CD28: variants seen among roughly 807,000 people sequenced by gnomAD.
CD28 encodes the protein T-cell-specific surface glycoprotein CD28.
Under a neutral mutation model 21.4 loss-of-function variants are expected in CD28, and 8 were observed. That is an observed-to-expected ratio of 0.37 (90% CI 0.22 to 0.68). The LOEUF (loss-of-function observed/expected upper bound fraction) is 0.68. Ranked by LOEUF, CD28 falls within the 30% of genes least tolerant of loss-of-function variation. The probability of loss-of-function intolerance (pLI) is 0.55; values close to 1 mark genes in which losing one functional copy is unlikely to be tolerated. For missense variants in CD28, 239 were observed against 272.2 expected, an observed-to-expected ratio of 0.88 and a Z score of 0.86; for synonymous variants, 106 against 104.0, an observed-to-expected ratio of 1.02 and a Z score of -0.12.
At chr2:203,714,913 C>G (rs539758862) in intron 1 of CD28, among the ~76,000 whole-genome samples, 1 of 152,152 alleles carries the variant, frequency 6.6e-6, no homozygotes, top group Non-Finnish European at 1.5e-5. Flanking sequence ...CTCCTGTTTT[C>G]CTATGCAATG....
At chr2:203,729,116 TC>T (rs1429629623) in intron 2 of CD28, among the ~76,000 whole-genome samples, 3 of 152,206 alleles carry the variant, frequency 2.0e-5, no homozygotes, top group African/African-American at 7.2e-5. Flanking sequence ...TTCCTTCTCA[TC>T]CCCTTTTGAT....
In CD28 at chr2:203,729,699, G is replaced by T. The variant is rs1693838354; in HGVS notation, c.461G>T (p.Trp154Leu). The part of the protein sequence containing the change: ...PLFPGPSKPF[W>L]VLVVVGGVLA... ...TTTCCCGGACCTTCTAAGCCCTTTT[G>T]GGTGCTGGTGGTGGTTGGTGGAGTC... Residue 154 changes from tryptophan to leucine, a missense_variant, in exon 3 of 4, where the codon TGG becomes TTG. By Grantham distance (61) the Trp-to-Leu change is moderately conservative. Transcript: ENST00000324106. 1.9e-6 allele frequency: 3 copies of T among 1,613,964 alleles called. No homozygotes were observed. The highest frequency in any genetic ancestry group is 2.5e-6 in the Non-Finnish European group (3 of 1,179,930).
Position 203,735,156 on chromosome 2 carries a change from CA to C in CD28, c.*245del. On this transcript the variant is annotated 3_prime_UTR_variant, in exon 4 of 4. Transcript: ENST00000324106. ...TGCCATGGCCCACATTCCAACTTAC[CA>C]TGTACTTAGTGACTTGACTGAGAAG... 1 of 506,446 alleles carries C rather than the reference CA, an allele frequency of 2.0e-6. No individual in the cohort carries two copies. Among genetic ancestry groups the C allele is most frequent in the Non-Finnish European group, 3.5e-6 (1 of 288,484 alleles). The allele number at this position is 506,446 out of a possible 1,614,324, so 31.4% of individuals were successfully genotyped here.
chr2:203,729,257 T>C (rs1693828029), intron 2 of CD28, among the ~76,000 whole-genome samples: 1 of 152,218 alleles, frequency 6.6e-6, no homozygotes, highest in Non-Finnish European at 1.5e-5. Context: ...TTCTTAAGGC[T>C]TGAAAACATG....
chr2:203,712,436 C>T (rs1693339922), intron 1 of CD28, among the ~76,000 whole-genome samples: 1 of 152,100 alleles, frequency 6.6e-6, no homozygotes, highest in African/African-American at 2.4e-5. Context: ...TCTGAAATGT[C>T]CTCTACACCT....
rs1032832238 is a variant in CD28, at chr2:203,737,336, G to A, written c.*2424G>A. The A allele has an allele frequency of 1.3e-5, 2 of 152,178 alleles. No individual in the cohort carries two copies. The highest frequency in any genetic ancestry group is 2.9e-5 in the Non-Finnish European group (2 of 68,044). The allele number at this position is 152,178 out of a possible 1,614,324, so 9.4% of individuals were successfully genotyped here. A position where few individuals can be genotyped will look rare whatever the true frequency, so the allele number is the denominator to read the frequency against. On this transcript the variant is annotated 3_prime_UTR_variant, in exon 4 of 4. Transcript: ENST00000324106. Reference sequence around the variant, plus strand: ...CGTGTGCCACTTGCCAGCTTCTTGGGCACACAGAGTTCTTCAATCCAAGTT... The same window carrying A: ...CGTGTGCCACTTGCCAGCTTCTTGGACACACAGAGTTCTTCAATCCAAGTT...
chr2:203,726,926 G>T lies in CD28; in HGVS notation c.346G>T (p.Val116Phe). The change falls in exon 2 of 4, where the codon GTT (valine) becomes TTT (phenylalanine). Residue 116 changes from valine (V) to phenylalanine (F), a missense_variant. Coordinates refer to ENST00000324106, the MANE Select transcript of CD28 (RefSeq NM_006139.4). ...QTDIYFCKIE[V>F]MYPPPYLDNE... The stretch of plus-strand genomic sequence containing the variant: ...AGATATTTACTTCTGCAAAATTGAA[G>T]TTATGTATCCTCCTCCTTACCTAGA... The T allele has an allele frequency of 3.7e-6, 6 of 1,613,562 alleles. No individual in the cohort carries two copies. The South Asian group carries it at 5.5e-5, about 15-fold the overall frequency.
intron 1 of CD28, among the ~76,000 whole-genome samples, chr2:203,722,756 G>A (rs539802016): frequency 3.9e-4 from 59 of 152,196 alleles, no homozygotes; most frequent in Non-Finnish European, 6.2e-4. Flanking sequence ...ATCATTTTGA[G>A]ACCTGAGAAG....
chr2:203,717,183 T>G (rs1449733815), intron 1 of CD28, among the ~76,000 whole-genome samples: 2 of 152,216 alleles, frequency 1.3e-5, no homozygotes, highest in Non-Finnish European at 2.9e-5. Flanking sequence ...TATTTCTATT[T>G]ATATTGTTAC....
At chr2:203,706,823 T>C (rs2106105141) in intron 1 of CD28, 75 bp downstream of exon 1, 1 of 1,144,188 alleles carries the variant, frequency 8.7e-7, no homozygotes, top group Non-Finnish European at 1.3e-6. Context: ...ATTTTAAATT[T>C]CTAACAATGT....
At chr2:203,715,931 A>G (rs1485182126) in intron 1 of CD28, among the ~76,000 whole-genome samples, 1 of 152,120 alleles carries the variant, frequency 6.6e-6, no homozygotes, top group Non-Finnish European at 1.5e-5. Context: ...GTGCTATTGC[A>G]TCAGCCTCCT....
upstream of CD28, chr2:203,706,544 C>A: frequency 1.3e-6 from 2 of 1,562,062 alleles, no homozygotes; most frequent in Non-Finnish European, 1.7e-6. Flanking sequence ...GTTTGAGTGC[C>A]TTGATCATGT....
At chr2:203,734,437 T>A (rs745344614) in intron 3 of CD28, among the ~76,000 whole-genome samples, 47 of 152,202 alleles carry the variant, frequency 3.1e-4, no homozygotes, top group Admixed American at 2.6e-4. Context: ...AAGATCACAA[T>A]GTGGGTAGGC....
intron 3 of CD28, among the ~76,000 whole-genome samples, chr2:203,733,537 G>A (rs1489607682): frequency 6.6e-6 from 1 of 152,114 alleles, no homozygotes; most frequent in Non-Finnish European, 1.5e-5. Context: ...GGTGGTAATT[G>A]AAGCTGTGAA....
chr2:203,713,848 A>G (rs1048956095), intron 1 of CD28, among the ~76,000 whole-genome samples: 41 of 77,440 alleles, frequency 5.3e-4, no homozygotes, highest in Non-Finnish European at 2.3e-4. Flanking sequence ...AGAGAGAGAG[A>G]GAGGGAGAGA....
At position 203,729,824 on chromosome 2, in the gene CD28, T is replaced by C. The variant is rs545191087; in HGVS notation, c.534+52T>C. ...TAACTTTTCCACTGCACATGAAATC[T>C]GAACACATTCAAGAATTTTGCCTAT... On this transcript the variant is annotated intron_variant, in intron 3 of 3. Transcript: ENST00000324106. 4.0e-4 allele frequency: 634 copies of C among 1,579,956 alleles called. 5 individuals carry two copies. In the South Asian group the frequency reaches 5.7e-3, roughly 14 times the overall value.
chr2:203,728,024 A>G (rs1693799407), intron 2 of CD28, among the ~76,000 whole-genome samples: 1 of 151,852 alleles, frequency 6.6e-6, no homozygotes, highest in Non-Finnish European at 1.5e-5. Flanking sequence ...GTTAGCAAGG[A>G]TGGTCTCAAT....
intron 2 of CD28, among the ~76,000 whole-genome samples, chr2:203,727,748 C>T (rs1237031777): frequency 6.6e-6 from 1 of 151,988 alleles, no homozygotes; most frequent in South Asian, 2.1e-4. Context: ...GGCGCGATCT[C>T]GGCTCACTGC....
intron 1 of CD28, among the ~76,000 whole-genome samples, chr2:203,722,302 TA>T (rs897933782): frequency 6.6e-6 from 1 of 152,056 alleles, no homozygotes; most frequent in Non-Finnish European, 1.5e-5. Context: ...TCCTTCTAAG[TA>T]AAAAAAGGAA....
Sources: allele counts gnomAD v4.1 joint callset (sites outside exome capture counted in the v4.1 genomes callset), GRCh38; gene constraint gnomAD v4.1.1; transcripts MANE v1.5; gene names NCBI Gene and HGNC (gene_info 2026-07-23, HGNC 2026-07-21).